C16orf74: variants seen among roughly 807,000 people sequenced by gnomAD.
C16orf74 encodes the protein calcimembrin.
Under a neutral mutation model 6.5 loss-of-function variants are expected in C16orf74, and 10 were observed. That is an observed-to-expected ratio of 1.54 (90% CI 0.95 to 2.61). The LOEUF (loss-of-function observed/expected upper bound fraction) is 2.61, where lower values mean the gene tolerates loss of function less well. C16orf74 is among the 30% of genes most tolerant of loss of function. C16orf74 has a pLI of 0.00. For synonymous variants in C16orf74, 60 were observed against 42.5 expected (o/e 1.41, Z -1.60); for missense variants, 141 against 105.9 (o/e 1.33, Z -1.45).
At chr16:85,729,125 C>T (rs2054162826) in intron 2 of C16orf74, among the ~76,000 whole-genome samples, 2 of 152,214 alleles carry the variant, frequency 1.3e-5, no homozygotes, top group African/African-American at 4.8e-5. Context: ...GGAGACGACT[C>T]CCCCTTTCCC....
At chr16:85,715,695 G>A (rs1393100777) in intron 2 of C16orf74, among the ~76,000 whole-genome samples, 1 of 152,220 alleles carries the variant, frequency 6.6e-6, no homozygotes, top group Non-Finnish European at 1.5e-5. Flanking sequence ...GCATCAGGCA[G>A]GATTGGGTCT....
Position 85,748,296 on chromosome 16 carries a change from T to C in C16orf74, c.-19+2630A>G, listed in dbSNP as rs1484608229. Reference sequence around the variant, plus strand: ...ATTCAAAAATTTTCTGATTGGCAAATGGTTGAGAGAGTTATTATCTGGGCT... The same window carrying C: ...ATTCAAAAATTTTCTGATTGGCAAACGGTTGAGAGAGTTATTATCTGGGCT... On this transcript the variant is annotated intron_variant, in intron 1 of 3. Coordinates refer to ENST00000284245, the MANE Select transcript of C16orf74 (RefSeq NM_206967.3). 4.0e-5 allele frequency among the ~76,000 whole-genome samples: 6 copies of C among 151,868 alleles called. No individual in the cohort carries two copies. In the South Asian group the frequency reaches 8.3e-4, roughly 21 times the overall value.
chr16:85,732,871 C>G (rs1280901426), intron 2 of C16orf74, among the ~76,000 whole-genome samples: 2 of 152,114 alleles, frequency 1.3e-5, no homozygotes, highest in Non-Finnish European at 2.9e-5. Flanking sequence ...ACTTAGCACA[C>G]TTAGCAGCTC....
chr16:85,732,506 A>G (rs2054200173), intron 2 of C16orf74, among the ~76,000 whole-genome samples: 1 of 151,888 alleles, frequency 6.6e-6, no homozygotes, highest in Non-Finnish European at 1.5e-5. Context: ...TCTCTACTAA[A>G]AATACAAAAA....
chr16:85,728,544 A>C (rs1052128487), intron 2 of C16orf74, among the ~76,000 whole-genome samples: 10 of 151,878 alleles, frequency 6.6e-5, no homozygotes. Flanking sequence ...ACAGAACCTC[A>C]CAGATCACAG....
intron 2 of C16orf74, among the ~76,000 whole-genome samples, chr16:85,733,502 C>T (rs1027150918): frequency 6.6e-6 from 1 of 152,156 alleles, no homozygotes. Context: ...TGTGAACGTG[C>T]TTAATGCCAC....
At chr16:85,709,627 A>C (rs748030939) in intron 3 of C16orf74, among the ~76,000 whole-genome samples, 52 of 152,164 alleles carry the variant, frequency 3.4e-4, no homozygotes, top group Non-Finnish European at 5.9e-4. Context: ...CAGAGGTATC[A>C]CAGAGAGGCA....
At position 85,748,080 on chromosome 16, in the gene C16orf74, C is replaced by T. The variant is rs1325368847; in HGVS notation, c.-19+2846G>A. On this transcript the variant is annotated intron_variant, in intron 1 of 3. Coordinates refer to ENST00000284245, the MANE Select transcript of C16orf74 (RefSeq NM_206967.3). ...CAGCCTGGGTGACAGAGCGAGACTC[C>T]GTCTCAAAAAAATATATATATATAT... is the stretch of plus-strand genomic sequence containing the variant. 1.1e-4 allele frequency among the ~76,000 whole-genome samples: 11 copies of T among 97,718 alleles called. 3 individuals carry two copies. The highest frequency in any genetic ancestry group is 1.8e-4 in the African/African-American group (6 of 32,606). 64.1% of individuals were successfully genotyped at this position (97,718 alleles called of 152,430 possible).
At chr16:85,744,776 G>A (rs1049661179) in intron 1 of C16orf74, among the ~76,000 whole-genome samples, 1 of 141,642 alleles carries the variant, frequency 7.1e-6, no homozygotes, top group African/African-American at 2.6e-5. Context: ...CTTGCAGTGA[G>A]CCGAGATCGT....
chr16:85,732,656 A>C lies in C16orf74; in HGVS notation c.28+2534T>G, dbSNP rs1413412940. 4.2e-5 allele frequency among the ~76,000 whole-genome samples: 4 copies of C among 94,156 alleles called. No homozygotes were observed. In the Admixed American group the frequency reaches 5.6e-4, roughly 13 times the overall value. 61.8% of individuals were successfully genotyped at this position (94,156 alleles called of 152,430 possible). A position where few individuals can be genotyped will look rare whatever the true frequency, so the allele number is the denominator to read the frequency against. On this transcript the variant is annotated intron_variant, in intron 2 of 3. Coordinates refer to ENST00000284245, the MANE Select transcript of C16orf74 (RefSeq NM_206967.3). ...ACTCCAGCCTGGGTGACAGAGCGAGACTCTGTCTCAAAAAAAAAAAAAAAA... is the reference window on the plus strand; with the variant it reads ...ACTCCAGCCTGGGTGACAGAGCGAGCCTCTGTCTCAAAAAAAAAAAAAAAA...
At chr16:85,736,761 T>G (rs73257207) in intron 1 of C16orf74, among the ~76,000 whole-genome samples, 18 of 152,252 alleles carry the variant, frequency 1.2e-4, no homozygotes, top group African/African-American at 4.1e-4. Flanking sequence ...ATCTTTAAAA[T>G]GGGATGAGCT....
intron 2 of C16orf74, among the ~76,000 whole-genome samples, chr16:85,732,591 G>A (rs547068173): frequency 5.3e-5 from 8 of 150,698 alleles, no homozygotes; most frequent in African/African-American, 1.2e-4. Flanking sequence ...GCTTGAACCC[G>A]GGAGGCGGGG....
intron 1 of C16orf74, among the ~76,000 whole-genome samples, chr16:85,737,766 G>C (rs901214843): frequency 6.6e-6 from 1 of 152,146 alleles, no homozygotes; most frequent in Non-Finnish European, 1.5e-5. Context: ...GGGAGATGGA[G>C]GTTGCAGTGA....
chr16:85,730,884 T>C (rs1349653731), intron 2 of C16orf74, among the ~76,000 whole-genome samples: 1 of 123,702 alleles, frequency 8.1e-6, no homozygotes. Flanking sequence ...CCTAGACAAC[T>C]GAACCCCCCC....
intron 2 of C16orf74, among the ~76,000 whole-genome samples, chr16:85,712,346 A>G (rs1170666506): frequency 6.6e-6 from 1 of 152,194 alleles, no homozygotes; most frequent in African/African-American, 2.4e-5. Context: ...TTAAGCCACA[A>G]AGTTTTGGCA....
chr16:85,748,975 C>G (rs1319801463), intron 1 of C16orf74, among the ~76,000 whole-genome samples: 2 of 146,120 alleles, frequency 1.4e-5, no homozygotes, highest in Non-Finnish European at 3.0e-5. Context: ...AGAAAGGAGT[C>G]TCACTATGTT....
chr16:85,747,718 T>C (rs1214232670), intron 1 of C16orf74, among the ~76,000 whole-genome samples: 1 of 152,194 alleles, frequency 6.6e-6, no homozygotes, highest in African/African-American at 2.4e-5. Flanking sequence ...AGAGAATATG[T>C]GCCCAAGGTA....
In C16orf74 at chr16:85,721,978, C is replaced by CT. The variant is rs146218477; in HGVS notation, c.29-11672dup. On this transcript the variant is annotated intron_variant, in intron 2 of 3. Transcript: ENST00000284245. ...TTCTCATTGGAATAGAGATTCTAAC[C>CT]TTTTTTTTTTTTTTTTTTTTTTTTT... is the stretch of plus-strand genomic sequence containing the variant. Among the ~76,000 whole-genome samples, 581 of 91,126 alleles carry CT rather than the reference C, an allele frequency of 6.4e-3. 7 individuals are homozygous for CT. The highest frequency in any genetic ancestry group is 0.017 in the African/African-American group (403 of 23,660). 59.8% of individuals were successfully genotyped at this position (91,126 alleles called of 152,430 possible). A position where few individuals can be genotyped will look rare whatever the true frequency, so the allele number is the denominator to read the frequency against.
Position 85,744,225 on chromosome 16 carries a change from CAAAAAAAAAA to C in C16orf74, c.-19+6691_-19+6700del, listed in dbSNP as rs368696989. 2.6e-4 allele frequency: 11 copies of C among 43,014 alleles called. No individual in the cohort carries two copies. In the South Asian group the frequency reaches 6.0e-3, roughly 23 times the overall value. 2.7% of individuals were successfully genotyped at this position (43,014 alleles called of 1,614,324 possible). ...GGGCAACAAGAGCAAAACTCCGTCT[CAAAAAAAAAA>C]AAAAAAAAAAAAGAAAAGAAAAGAA... is the stretch of plus-strand genomic sequence containing the variant. On this transcript the variant is annotated intron_variant, in intron 1 of 3. Coordinates refer to ENST00000284245, the MANE Select transcript of C16orf74 (RefSeq NM_206967.3).
Sources: gnomAD v4.1 joint callset for allele counts (sites outside exome capture counted in the v4.1 genomes callset) on GRCh38, gnomAD v4.1.1 for gene constraint, MANE v1.5 for transcripts, NCBI Gene and HGNC (gene_info 2026-07-23, HGNC 2026-07-21) for gene names.